The following CASQ2 variants were observed in gnomAD, a reference collection of about 807,000 sequenced individuals.
CASQ2 encodes calsequestrin-2.
A neutral mutation model predicts 46.5 loss-of-function variants in CASQ2; 49 were observed. The observed-to-expected ratio is 1.05, with a 90% CI of 0.84 to 1.34. The LOEUF is 1.34. Ranked by LOEUF, CASQ2 falls within the 40% of genes most tolerant of loss-of-function variation. The pLI is 0.00. For missense variants in CASQ2, 486 were observed against 481.3 expected (o/e 1.01, Z -0.09); for synonymous variants, 174 against 168.5 (o/e 1.03, Z -0.25).
At chr1:115,762,706 C>A (rs2101123942) in intron 1 of CASQ2, among the ~76,000 whole-genome samples, 1 of 152,278 alleles carries the variant, frequency 6.6e-6, no homozygotes, top group Admixed American at 6.5e-5. Flanking sequence ...TGAAGCTCAC[C>A]CGGAAAAAGC....
At chr1:115,726,959 AG>A in intron 6 of CASQ2, 32 bp downstream of exon 6, 7 of 674,310 alleles carry the variant, frequency 1.0e-5, no homozygotes, top group Non-Finnish European at 1.8e-5. Flanking sequence ...CCCAGACCCC[AG>A]GCCCCCAGCC....
At chr1:115,704,703 G>A (rs537599109) in intron 9 of CASQ2, among the ~76,000 whole-genome samples, 50 of 152,260 alleles carry the variant, frequency 3.3e-4, no homozygotes, top group South Asian at 2.7e-3. Flanking sequence ...CACATTCATC[G>A]TAGGCTAGAC....
At chr1:115,758,340 G>C (rs1467007950) in intron 1 of CASQ2, among the ~76,000 whole-genome samples, 1 of 152,200 alleles carries the variant, frequency 6.6e-6, no homozygotes, top group African/African-American at 2.4e-5. Flanking sequence ...TTCATAATAT[G>C]TGCTTCTCCC....
At chr1:115,703,226 A>T (rs1654265731) in intron 9 of CASQ2, among the ~76,000 whole-genome samples, 1 of 152,234 alleles carries the variant, frequency 6.6e-6, no homozygotes, top group Non-Finnish European at 1.5e-5. Context: ...CAGCTGTAAG[A>T]GAGAAAATTA....
chr1:115,737,467 G>A (rs574784495), intron 4 of CASQ2, among the ~76,000 whole-genome samples: 3 of 152,244 alleles, frequency 2.0e-5, no homozygotes, highest in South Asian at 4.1e-4. Context: ...ATGCTCACCC[G>A]CTCTAATGCT....
intron 2 of CASQ2, among the ~76,000 whole-genome samples, chr1:115,743,514 G>A (rs1184226218): frequency 6.6e-6 from 1 of 152,136 alleles, no homozygotes; most frequent in Non-Finnish European, 1.5e-5. Context: ...AAAGTGCCCA[G>A]ACATTCTTAA....
intron 1 of CASQ2, among the ~76,000 whole-genome samples, chr1:115,755,488 G>T (rs985712563): frequency 7.9e-5 from 12 of 152,168 alleles, no homozygotes; most frequent in African/African-American, 2.9e-4. Flanking sequence ...TCATGGAGAG[G>T]CCTCATGAAT....
intron 4 of CASQ2, 77 bp downstream of exon 4, chr1:115,738,147 T>C (rs973925488): frequency 2.3e-6 from 2 of 871,686 alleles, no homozygotes; most frequent in East Asian, 2.4e-5. Flanking sequence ...AGACCCATCC[T>C]CTTTTGGGGT....
rs532913045 is a variant in CASQ2 at position 115,708,498 on chromosome 1, G to C, written c.839-3206C>G. Among the ~76,000 whole-genome samples, 11 of 152,272 alleles carry C rather than the reference G, an allele frequency of 7.2e-5. No homozygotes were observed. In the South Asian group the frequency reaches 1.7e-3, roughly 23 times the overall value. The stretch of plus-strand genomic sequence containing the variant: ...TCTGGGGCCAAATGACCTTGGCCAA[G>C]GTCGTGGATGTACCCTTAGAGTGTG... On this transcript the variant is annotated intron_variant, in intron 8 of 10. Transcript: ENST00000261448.
intron 3 of CASQ2, among the ~76,000 whole-genome samples, chr1:115,739,830 CAGTT>C (rs944080212): frequency 8.5e-5 from 13 of 152,192 alleles, no homozygotes; most frequent in Admixed American, 8.5e-4. Flanking sequence ...TTGTTTGAAG[CAGTT>C]AGTCTTATTT....
intron 4 of CASQ2, among the ~76,000 whole-genome samples, chr1:115,735,135 A>G (rs1286978639): frequency 6.6e-6 from 1 of 152,240 alleles, no homozygotes; most frequent in African/African-American, 2.4e-5. Context: ...TGAGATTCAA[A>G]TAATATTTAT....
At chr1:115,725,352 C>T (rs1415353714) in intron 7 of CASQ2, among the ~76,000 whole-genome samples, 156 bp downstream of exon 7, 1 of 152,044 alleles carries the variant, frequency 6.6e-6, no homozygotes, top group African/African-American at 2.4e-5. Context: ...CAGTTCTGAG[C>T]CGTCGTACCC....
intron 8 of CASQ2, among the ~76,000 whole-genome samples, chr1:115,712,157 G>A (rs1380435132): frequency 6.6e-6 from 1 of 152,164 alleles, no homozygotes; most frequent in East Asian, 1.9e-4. Flanking sequence ...ACCTCAGAGG[G>A]ACAGACAAGG....
Position 115,732,891 on chromosome 1 carries a change from A to G in CASQ2, c.606+10T>C, listed in dbSNP as rs1553194664. 2 of 1,601,212 alleles carry G rather than the reference A, an allele frequency of 1.2e-6. No individual in the cohort carries two copies. Among genetic ancestry groups the G allele is most frequent in the South Asian group, 1.1e-5 (1 of 90,830 alleles). Reference sequence around the variant, plus strand: ...AAAACTGTTCAAATTGGGGTTTCATAGGTACTTACCCCTTTGTCAAAGGTG... The same window carrying G: ...AAAACTGTTCAAATTGGGGTTTCATGGGTACTTACCCCTTTGTCAAAGGTG... On this transcript the variant is annotated intron_variant, in intron 5 of 10. Transcript: ENST00000261448.
chr1:115,756,975 A>T (rs1366799351), intron 1 of CASQ2, among the ~76,000 whole-genome samples: 1 of 152,132 alleles, frequency 6.6e-6, no homozygotes, highest in Non-Finnish European at 1.5e-5. Context: ...AATAAAAAAA[A>T]ACTTATACCT....
chr1:115,735,529 A>T (rs1647927511), intron 4 of CASQ2, among the ~76,000 whole-genome samples: 1 of 152,252 alleles, frequency 6.6e-6, no homozygotes, highest in Admixed American at 6.5e-5. Context: ...AAGTTTATAC[A>T]TTTAAAAACA....
rs920599469 is a variant in CASQ2, at chr1:115,717,926, C to G, written c.784-32G>C. Reference sequence around the variant, plus strand: ...GAGAAAAGTAACAAAAGTTACACTTCCAGCTGGAGGGATGCAAAGGACTGA... The same window carrying G: ...GAGAAAAGTAACAAAAGTTACACTTGCAGCTGGAGGGATGCAAAGGACTGA... On this transcript the variant is annotated intron_variant, in intron 7 of 10. Transcript: ENST00000261448. 3 of 1,450,340 alleles carry G rather than the reference C, an allele frequency of 2.1e-6. No individual in the cohort carries two copies. In the South Asian group the frequency reaches 3.4e-5, roughly 17 times the overall value. 89.8% of individuals were successfully genotyped at this position (1,450,340 alleles called of 1,614,324 possible). A position where few individuals can be genotyped will look rare whatever the true frequency, so the allele number is the denominator to read the frequency against.
At chr1:115,711,288 G>A (rs763902946) in intron 8 of CASQ2, among the ~76,000 whole-genome samples, 2 of 152,328 alleles carry the variant, frequency 1.3e-5, no homozygotes, top group Middle Eastern at 3.4e-3. Context: ...TTGTGTGGCA[G>A]GTGGACAGAT....
Position 115,700,999 on chromosome 1 carries a change from A to G in CASQ2, c.*242T>C, listed in dbSNP as rs1570791497. 4 of 636,426 alleles carry G rather than the reference A, an allele frequency of 6.3e-6. No individual in the cohort carries two copies. In the East Asian group the frequency reaches 1.1e-4, roughly 17 times the overall value. 39.4% of individuals were successfully genotyped at this position (636,426 alleles called of 1,614,324 possible). A position where few individuals can be genotyped will look rare whatever the true frequency, so the allele number is the denominator to read the frequency against. On this transcript the variant is annotated 3_prime_UTR_variant, in exon 11 of 11. Transcript: ENST00000261448. The stretch of plus-strand genomic sequence containing the variant: ...AGCAAAGAACAAGATCTGTTCCGTG[A>G]CAGTCAAGACAGTCAACATGGGAAT...
Sources: allele counts gnomAD v4.1 joint callset (sites outside exome capture counted in the v4.1 genomes callset), GRCh38; gene constraint gnomAD v4.1.1; transcripts MANE v1.5; gene names NCBI Gene and HGNC (gene_info 2026-07-23, HGNC 2026-07-21).